DLG2: variants seen among roughly 807,000 people sequenced by gnomAD.
DLG2 encodes discs large MAGUK scaffold protein 2, also known as disks large homolog 2.
In DLG2, 45 loss-of-function variants were observed where a neutral mutation model predicts 132.5. That is an observed-to-expected ratio of 0.34 (90% confidence interval 0.27 to 0.44). DLG2 has a LOEUF of 0.44. Ranked by LOEUF, DLG2 falls within the 20% of genes least tolerant of loss-of-function variation. The pLI is 1.00. For synonymous variants in DLG2, 424 were observed against 419.6 expected, an observed-to-expected ratio of 1.01 and a Z score of -0.13; for missense variants, 1,045 against 1,196.9, an observed-to-expected ratio of 0.87 and a Z score of 1.87.
At position 84,086,187 on chromosome 11, in the gene DLG2, T is replaced by C. The variant is rs1174805770; in HGVS notation, c.749+12736A>G. Among the ~76,000 whole-genome samples the C allele has an allele frequency of 2.5e-4, 38 of 152,158 alleles. 1 individual carries two copies. Among genetic ancestry groups the C allele is most frequent in the Non-Finnish European group, 5.3e-4 (36 of 68,020 alleles). On this transcript the variant is annotated intron_variant, in intron 10 of 27. Transcript: ENST00000376104. Reference sequence around the variant, plus strand: ...TTCTTTAACAGATTCAAGAACTTGGTGAATGAATTCAAAAACTTTAAATAA... The same window carrying C: ...TTCTTTAACAGATTCAAGAACTTGGCGAATGAATTCAAAAACTTTAAATAA...
intron 9 of DLG2, among the ~76,000 whole-genome samples, chr11:84,154,818 G>C (rs1278966046): frequency 6.6e-6 from 1 of 152,138 alleles, no homozygotes; most frequent in Non-Finnish European, 1.5e-5. Context: ...CCCCTACAAA[G>C]GACATGAACT....
intron 21 of DLG2, among the ~76,000 whole-genome samples, chr11:83,527,530 G>C (rs2095637066): frequency 1.3e-5 from 2 of 151,346 alleles, no homozygotes; most frequent in African/African-American, 4.9e-5. Flanking sequence ...GGGCAACAGA[G>C]AGAGACCTTG....
chr11:84,182,295 T>G (rs1326792019), intron 8 of DLG2, among the ~76,000 whole-genome samples: 1 of 151,954 alleles, frequency 6.6e-6, no homozygotes, highest in Non-Finnish European at 1.5e-5. Flanking sequence ...AATTGGAAAG[T>G]ATTTTGAACT....
At chr11:83,907,970 T>G (rs1390068019) in intron 15 of DLG2, among the ~76,000 whole-genome samples, 1 of 152,196 alleles carries the variant, frequency 6.6e-6, no homozygotes, top group Non-Finnish European at 1.5e-5. Context: ...CCCAAGTAGC[T>G]TGCCTCCATT....
chr11:83,922,280 G>C (rs538272663), intron 15 of DLG2, among the ~76,000 whole-genome samples: 1 of 152,238 alleles, frequency 6.6e-6, no homozygotes, highest in African/African-American at 2.4e-5. Flanking sequence ...TTGCATTGCA[G>C]AGGAAATAGG....
intron 8 of DLG2, among the ~76,000 whole-genome samples, chr11:84,185,953 T>C (rs1191815145): frequency 6.6e-6 from 1 of 152,184 alleles, no homozygotes; most frequent in African/African-American, 2.4e-5. Flanking sequence ...CTCTTCGTTA[T>C]CAGTTCTTTT....
At chr11:84,114,674 C>T (rs10898204) in intron 9 of DLG2, among the ~76,000 whole-genome samples, 133,066 of 152,152 alleles carry the variant, frequency 0.87, 58,512 homozygotes, top group Middle Eastern at 0.95. Flanking sequence ...TACTGCCTCA[C>T]GCCTAGTATG....
chr11:84,709,705 T>C (rs550240407), intron 6 of DLG2, among the ~76,000 whole-genome samples: 1 of 151,936 alleles, frequency 6.6e-6, no homozygotes, highest in Non-Finnish European at 1.5e-5. Flanking sequence ...GGATATATAA[T>C]CTCACATTCT....
chr11:85,189,260 A>G (rs1252082376), intron 4 of DLG2, among the ~76,000 whole-genome samples: 2 of 152,328 alleles, frequency 1.3e-5, no homozygotes, highest in African/African-American at 4.8e-5. Context: ...TTATTCTTCA[A>G]AAAGGAAAAC....
intron 7 of DLG2, among the ~76,000 whole-genome samples, chr11:84,308,934 C>A (rs959636333): frequency 1.3e-5 from 2 of 152,194 alleles, no homozygotes; most frequent in Non-Finnish European, 2.9e-5. Flanking sequence ...CACCTCTCTG[C>A]AAGCTGAGGG....
Position 85,320,021 on chromosome 11 carries a change from G to C in DLG2, c.41-34656C>G, listed in dbSNP as rs1354929691. ...AAAGCCCATAACTGAGATGAAGGTA[G>C]AAAAATTTCTTAAACCATGCTCTTT... On this transcript the variant is annotated intron_variant, in intron 3 of 27. Coordinates refer to ENST00000376104, the MANE Select transcript of DLG2 (RefSeq NM_001142699.3). Among the ~76,000 whole-genome samples the C allele has an allele frequency of 2.0e-5, 3 of 151,836 alleles. No homozygotes were observed. In the East Asian group the frequency reaches 5.8e-4, roughly 29 times the overall value.
At position 83,458,458 on chromosome 11, in the gene DLG2, CA is replaced by C. The variant is rs2089338189; in HGVS notation, c.*1359del. ...TATCTCTTTGCTCTGTACATAGAAA[CA>C]AAAAAGTCTGCACCCCCTCACCCCC... On this transcript the variant is annotated 3_prime_UTR_variant, in exon 28 of 28. Transcript: ENST00000376104. The C allele has an allele frequency of 6.5e-6, 1 of 152,912 alleles. No homozygotes were observed. The highest frequency in any genetic ancestry group is 1.5e-5 in the Non-Finnish European group (1 of 68,194). The allele number at this position is 152,912 out of a possible 1,614,324, so 9.5% of individuals were successfully genotyped here. A position where few individuals can be genotyped will look rare whatever the true frequency, so the allele number is the denominator to read the frequency against.
At chr11:84,609,321 C>T (rs1940084) in intron 6 of DLG2, among the ~76,000 whole-genome samples, 1 of 151,846 alleles carries the variant, frequency 6.6e-6, no homozygotes, top group African/African-American at 2.4e-5. Context: ...GAGTTAATAC[C>T]TATAAAGTAC....
chr11:83,480,441 A>C, intron 22 of DLG2: 1 of 1,533,812 alleles, frequency 6.5e-7, no homozygotes, highest in South Asian at 1.2e-5. Context: ...CAAATTAAAG[A>C]GATACCAAGC....
intron 19 of DLG2, among the ~76,000 whole-genome samples, chr11:83,629,970 A>G (rs928449688): frequency 6.6e-6 from 1 of 152,202 alleles, no homozygotes; most frequent in Admixed American, 6.5e-5. Flanking sequence ...AATACACAAT[A>G]CAAGTAGCAT....
chr11:85,324,778 C>T (rs1006083697), intron 3 of DLG2, among the ~76,000 whole-genome samples: 3 of 152,080 alleles, frequency 2.0e-5, no homozygotes, highest in Admixed American at 6.5e-5. Context: ...GCCAAGATGG[C>T]CGAATAGGAA....
intron 3 of DLG2, among the ~76,000 whole-genome samples, chr11:85,578,543 G>GA (rs1160374886): frequency 6.6e-6 from 1 of 151,254 alleles, no homozygotes; most frequent in African/African-American, 2.4e-5. Flanking sequence ...ACAAATTCAA[G>GA]AAAAAAATAC....
intron 8 of DLG2, among the ~76,000 whole-genome samples, chr11:84,202,171 G>C (rs2096604873): frequency 6.6e-6 from 1 of 151,802 alleles, no homozygotes; most frequent in South Asian, 2.1e-4. Flanking sequence ...GACAATCCAA[G>C]CAGAAAGAAC....
intron 14 of DLG2, among the ~76,000 whole-genome samples, chr11:83,930,785 T>A (rs557552961): frequency 2.0e-5 from 3 of 152,332 alleles, no homozygotes; most frequent in African/African-American, 7.2e-5. Flanking sequence ...GCCAGAATTC[T>A]TGAAATTTTG....
Sources: allele counts gnomAD v4.1 joint callset (sites outside exome capture counted in the v4.1 genomes callset), GRCh38; gene constraint gnomAD v4.1.1; transcripts MANE v1.5; gene names NCBI Gene and HGNC (gene_info 2026-07-23, HGNC 2026-07-21).